MBNL3: variants seen among roughly 807,000 people sequenced by gnomAD.
MBNL3 encodes the protein muscleblind-like protein 3.
A neutral mutation model predicts 24.5 loss-of-function variants in MBNL3; 6 were observed. The observed-to-expected ratio is 0.25, with a 90% confidence interval of 0.13 to 0.48. MBNL3 has a LOEUF of 0.48. MBNL3 is among the 20% of genes least tolerant of loss of function. The pLI is 0.99. For synonymous variants in MBNL3, 100 were observed against 101.7 expected, an observed-to-expected ratio of 0.98 and a Z score of 0.10; for missense variants, 230 against 293.5, an observed-to-expected ratio of 0.78 and a Z score of 1.58.
chrX:132,486,225 G>T (rs918361559), intron 1 of MBNL3, among the ~76,000 whole-genome samples: 5 of 111,524 alleles, frequency 4.5e-5, no homozygotes, highest in Non-Finnish European at 9.4e-5. Flanking sequence ...GTTATCAATA[G>T]AAATCTTCAT....
At chrX:132,425,209 T>G (rs1468613541) in intron 2 of MBNL3, among the ~76,000 whole-genome samples, 1 of 111,864 alleles carries the variant, frequency 8.9e-6, no homozygotes, top group Non-Finnish European at 1.9e-5. Flanking sequence ...TCTTGGTTAT[T>G]GAGGATTGCA....
intron 1 of MBNL3, among the ~76,000 whole-genome samples, chrX:132,479,482 AT>A (rs758005660): frequency 1.8e-5 from 2 of 111,901 alleles, no homozygotes; most frequent in Admixed American, 9.4e-5. Context: ...TGAAATATAT[AT>A]TTTTTTGTTC....
intron 3 of MBNL3, 76 bp downstream of exon 3, chrX:132,406,152 A>G: frequency 1.8e-6 from 2 of 1,110,971 alleles, no homozygotes; most frequent in Non-Finnish European, 2.5e-6. Flanking sequence ...TGTTGCAACT[A>G]ATTTCCCCAA....
chrX:132,438,935 C>G lies in MBNL3; in HGVS notation c.177+500G>C, dbSNP rs1166073859. On this transcript the variant is annotated intron_variant, in intron 2 of 8. Coordinates refer to ENST00000370853, the MANE Select transcript of MBNL3 (RefSeq NM_001386889.1). ...GCTTCAAAATGCCATAATTTTCCTT[C>G]TGGAACCCTTATACTCCCTCAGTCT... is the stretch of plus-strand genomic sequence containing the variant. Among the ~76,000 whole-genome samples, 3 of 109,202 alleles carry G rather than the reference C, an allele frequency of 2.7e-5. 1 individual carries two copies. Among genetic ancestry groups the G allele is most frequent in the Non-Finnish European group, 5.7e-5 (3 of 52,529 alleles). 94.8% of individuals were successfully genotyped at this position (109,202 alleles called of 115,157 possible).
intron 1 of MBNL3, among the ~76,000 whole-genome samples, chrX:132,485,343 T>C (rs758022815): frequency 5.4e-5 from 6 of 111,969 alleles, no homozygotes; most frequent in Middle Eastern, 4.6e-3. Context: ...ACTTCCCAGA[T>C]TGTATTGTTT....
chrX:132,481,945 GGACATTGT>G (rs1487300987), intron 1 of MBNL3, among the ~76,000 whole-genome samples: 2 of 112,070 alleles, frequency 1.8e-5, no homozygotes, highest in African/African-American at 6.5e-5. Context: ...TAAACCTGGA[GGACATTGT>G]GTTACATGAA....
At chrX:132,404,346 G>A (rs150606927) in intron 3 of MBNL3, among the ~76,000 whole-genome samples, 26 of 112,095 alleles carry the variant, frequency 2.3e-4, no homozygotes, top group African/African-American at 7.8e-4. Context: ...CTGTGGTTTT[G>A]TTCATAACAA....
chrX:132,407,800 T>A (rs1255297620), intron 2 of MBNL3, among the ~76,000 whole-genome samples: 1 of 111,387 alleles, frequency 9.0e-6, no homozygotes, highest in Non-Finnish European at 1.9e-5. Flanking sequence ...CCACTCTCCA[T>A]CTACATAACT....
chrX:132,435,118 C>T (rs1603247628), intron 2 of MBNL3, among the ~76,000 whole-genome samples: 1 of 111,439 alleles, frequency 9.0e-6, no homozygotes, highest in East Asian at 2.8e-4. Context: ...TAGGTCGGTG[C>T]AGAAGTAATT....
intron 1 of MBNL3, among the ~76,000 whole-genome samples, chrX:132,485,402 G>A (rs1947954208): frequency 1.8e-5 from 2 of 111,754 alleles, no homozygotes; most frequent in Non-Finnish European, 1.9e-5. Flanking sequence ...ATACCAAGCA[G>A]ATCTAAATGA....
At chrX:132,409,972 C>T (rs1162272738) in intron 2 of MBNL3, among the ~76,000 whole-genome samples, 5 of 111,559 alleles carry the variant, frequency 4.5e-5, no homozygotes, top group Non-Finnish European at 5.6e-5. Flanking sequence ...ATAAGTGCTA[C>T]TACACCTATG....
At chrX:132,449,464 CTTT>C (rs751006249) in intron 1 of MBNL3, among the ~76,000 whole-genome samples, 3 of 29,780 alleles carry the variant, frequency 1.0e-4, no homozygotes. Context: ...GCAACCCCTG[CTTT>C]TTTTTTTTTT....
At position 132,370,810 on chromosome X, in the gene MBNL3, G is replaced by A. The variant is rs750944910; in HGVS notation, c.*8856C>T. On this transcript the variant is annotated 3_prime_UTR_variant, in exon 9 of 9. Coordinates refer to ENST00000370853, the MANE Select transcript of MBNL3 (RefSeq NM_001386889.1). The stretch of plus-strand genomic sequence containing the variant: ...TTCCAGGGCCAGAGGCCACCATGAG[G>A]GATGAGAAAAGGATGCTGTGAAAAG... 2.7e-5 allele frequency: 3 copies of A among 111,603 alleles called. No individual in the cohort carries two copies. The highest frequency in any genetic ancestry group is 7.5e-4 in the South Asian group (2 of 2,655). The allele number at this position is 111,603 out of a possible 1,213,427, so 9.2% of individuals were successfully genotyped here. A position where few individuals can be genotyped will look rare whatever the true frequency, so the allele number is the denominator to read the frequency against.
chrX:132,455,904 G>A (rs1432597796), intron 1 of MBNL3, among the ~76,000 whole-genome samples: 1 of 111,820 alleles, frequency 8.9e-6, no homozygotes, highest in East Asian at 2.8e-4. Context: ...CAACTGCCGT[G>A]ACACCCTTGT....
rs751006249 is a variant in MBNL3 at position 132,449,464 on chromosome X, C to CTTTTTTTTTTTTTTTTTTT, written c.-703-9169_-703-9151dup. On this transcript the variant is annotated intron_variant, in intron 1 of 8. Transcript: ENST00000370853. ...TCAGAGACTAGGATTGCAACCCCTG[C>CTTTTTTTTTTTTTTTTTTT]TTTTTTTTTTTTTTTTTTTTTTTGC... is the stretch of plus-strand genomic sequence containing the variant. 2.7e-4 allele frequency among the ~76,000 whole-genome samples: 8 copies of CTTTTTTTTTTTTTTTTTTT among 29,783 alleles called. 1 individual carries two copies. The highest frequency in any genetic ancestry group is 1.2e-3 in the East Asian group (1 of 846). 25.9% of individuals were successfully genotyped at this position (29,783 alleles called of 115,157 possible).
chrX:132,393,136 A>G (rs1937463006), intron 3 of MBNL3, among the ~76,000 whole-genome samples: 1 of 110,543 alleles, frequency 9.0e-6, no homozygotes. Flanking sequence ...TGTCACAAAC[A>G]CTCTAATTAT....
chrX:132,468,245 G>A (rs1190343111), intron 1 of MBNL3, among the ~76,000 whole-genome samples: 1 of 112,452 alleles, frequency 8.9e-6, no homozygotes, highest in East Asian at 2.8e-4. Flanking sequence ...GTGAGCTATA[G>A]AGATTTTATC....
chrX:132,452,061 C>T (rs1348473481), intron 1 of MBNL3, among the ~76,000 whole-genome samples: 2 of 111,391 alleles, frequency 1.8e-5, no homozygotes, highest in East Asian at 5.7e-4. Context: ...CAGAAATCAC[C>T]TGTCTTCTAA....
chrX:132,396,570 A>ATATATTCCTATATATATTCC (rs1938761669), intron 3 of MBNL3, among the ~76,000 whole-genome samples: 1 of 35,501 alleles, frequency 2.8e-5, no homozygotes, highest in Non-Finnish European at 4.1e-5. Context: ...ATATATTCCT[A>ATATATTCCTATATATATTCC]TATATATTCC....
Sources: gnomAD v4.1 joint callset for allele counts (sites outside exome capture counted in the v4.1 genomes callset) on GRCh38, gnomAD v4.1.1 for gene constraint, MANE v1.5 for transcripts, NCBI Gene and HGNC (gene_info 2026-07-23, HGNC 2026-07-21) for gene names.